The following NCOA1 variants were observed in gnomAD, a reference collection of about 807,000 sequenced individuals.
NCOA1 encodes nuclear receptor coactivator 1.
In NCOA1, 35 loss-of-function variants were observed where a neutral mutation model predicts 150.9. That is an observed-to-expected ratio of 0.23 (90% CI 0.18 to 0.31). The LOEUF is 0.31. NCOA1 is among the 10% of genes least tolerant of loss of function. NCOA1 has a pLI of 1.00. For missense variants in NCOA1, 1,491 were observed against 1,749.3 expected (o/e 0.85, Z 2.63); for synonymous variants, 590 against 630.0 (o/e 0.94, Z 0.95).
intron 1 of NCOA1, among the ~76,000 whole-genome samples, chr2:24,523,523 G>A (rs1355254326): frequency 7.1e-6 from 1 of 140,194 alleles, no homozygotes; most frequent in Non-Finnish European, 1.5e-5. Context: ...GGAGAATGGC[G>A]TGAACCCGGG....
At chr2:24,708,003 G>A (rs1673542648) in intron 13 of NCOA1, 115 bp downstream of exon 13, 2 of 1,312,414 alleles carry the variant, frequency 1.5e-6, no homozygotes, top group Non-Finnish European at 2.0e-6. Context: ...CTATCCATTG[G>A]GCATATATTA....
At chr2:24,763,488 C>G (rs1664888497) in intron 22 of NCOA1, among the ~76,000 whole-genome samples, 1 of 143,318 alleles carries the variant, frequency 7.0e-6, no homozygotes, top group African/African-American at 2.6e-5. Context: ...TGCAGTGAGC[C>G]GAGATCACGC....
At chr2:24,711,808 C>T (rs552033353) in intron 14 of NCOA1, among the ~76,000 whole-genome samples, 1 of 152,062 alleles carries the variant, frequency 6.6e-6, no homozygotes, top group Non-Finnish European at 1.5e-5. Context: ...ATTTTTTTGC[C>T]CATCACATTT....
intron 3 of NCOA1, among the ~76,000 whole-genome samples, chr2:24,624,453 T>C (rs189021881): frequency 1.3e-5 from 2 of 152,350 alleles, no homozygotes; most frequent in Admixed American, 1.3e-4. Flanking sequence ...ACAGATTACA[T>C]TTCTGTATTT....
chr2:24,724,986 G>A (rs1674537606), intron 14 of NCOA1, among the ~76,000 whole-genome samples: 1 of 152,052 alleles, frequency 6.6e-6, no homozygotes, highest in African/African-American at 2.4e-5. Flanking sequence ...TGATAGAGAT[G>A]AGGTTAATCG....
At chr2:24,524,747 A>C (rs1664580494) in intron 1 of NCOA1, among the ~76,000 whole-genome samples, 1 of 152,132 alleles carries the variant, frequency 6.6e-6, no homozygotes, top group South Asian at 2.1e-4. Flanking sequence ...AGCTGGGATT[A>C]CACGTACCCA....
intron 3 of NCOA1, among the ~76,000 whole-genome samples, chr2:24,618,656 A>T (rs559358533): frequency 4.6e-5 from 7 of 152,242 alleles, no homozygotes; most frequent in Middle Eastern, 3.4e-3. Flanking sequence ...ATCTGTGCTC[A>T]TTCCTTCTGT....
At chr2:24,675,342 G>A (rs1391178128) in intron 7 of NCOA1, among the ~76,000 whole-genome samples, 2 of 152,202 alleles carry the variant, frequency 1.3e-5, no homozygotes, top group African/African-American at 2.4e-5. Context: ...AATATCTTAA[G>A]GAGGCTAGAA....
intron 9 of NCOA1, among the ~76,000 whole-genome samples, 190 bp downstream of exon 9, chr2:24,691,850 C>T (rs764135745): frequency 9.9e-5 from 15 of 152,104 alleles, no homozygotes; most frequent in Non-Finnish European, 1.9e-4. Flanking sequence ...TAGAATCATT[C>T]CTTTAATATG....
chr2:24,500,147 C>T (rs1383200453), intron 1 of NCOA1, among the ~76,000 whole-genome samples: 3 of 151,886 alleles, frequency 2.0e-5, no homozygotes, highest in South Asian at 2.1e-4. Flanking sequence ...TCGCTCTTGT[C>T]GCCCAGGCTG....
At chr2:24,495,855 T>C (rs1663186519) in intron 1 of NCOA1, among the ~76,000 whole-genome samples, 1 of 152,254 alleles carries the variant, frequency 6.6e-6, no homozygotes, top group Non-Finnish European at 1.5e-5. Flanking sequence ...CTTGTCCTCA[T>C]ATTGTAATCT....
chr2:24,514,362 A>C (rs1301689975), intron 1 of NCOA1, among the ~76,000 whole-genome samples: 1 of 151,712 alleles, frequency 6.6e-6, no homozygotes, highest in Non-Finnish European at 1.5e-5. Context: ...TCTCTGAGTC[A>C]CATAAGCATT....
chr2:24,716,191 G>T (rs1391037471), intron 14 of NCOA1, among the ~76,000 whole-genome samples: 3 of 145,660 alleles, frequency 2.1e-5, no homozygotes, highest in East Asian at 2.0e-4. Context: ...AGTAAAATTT[G>T]ACAAGCTTTT....
chr2:24,493,565 C>T (rs1232990067), intron 1 of NCOA1, among the ~76,000 whole-genome samples: 1 of 150,960 alleles, frequency 6.6e-6, no homozygotes. Context: ...GTGGTTTAAA[C>T]CAAGAGAGTA....
chr2:24,757,097 C>T (rs1300134857), intron 20 of NCOA1, among the ~76,000 whole-genome samples: 1 of 152,156 alleles, frequency 6.6e-6, no homozygotes, highest in Non-Finnish European at 1.5e-5. Flanking sequence ...GAAGATAAAA[C>T]CTTGAGAAGT....
intron 9 of NCOA1, among the ~76,000 whole-genome samples, chr2:24,692,295 AT>A (rs1364181926): frequency 2.6e-5 from 4 of 152,192 alleles, no homozygotes; most frequent in Admixed American, 2.6e-4. Context: ...AAAGCCATGT[AT>A]GTAGCAGGTC....
intron 4 of NCOA1, among the ~76,000 whole-genome samples, chr2:24,656,069 C>G (rs1670932167): frequency 2.5e-5 from 3 of 120,720 alleles, no homozygotes; most frequent in Admixed American, 2.3e-4. Flanking sequence ...GCCTGGGCGA[C>G]AGAGCGAGAC....
Position 24,545,734 on chromosome 2 carries a change from G to A in NCOA1, c.-395-18561G>A, listed in dbSNP as rs866642347. 5.3e-5 allele frequency among the ~76,000 whole-genome samples: 8 copies of A among 152,270 alleles called. No individual in the cohort carries two copies. In the South Asian group the frequency reaches 8.3e-4, roughly 16 times the overall value. On this transcript the variant is annotated intron_variant, in intron 1 of 22. Coordinates refer to ENST00000348332, the MANE Select transcript of NCOA1 (RefSeq NM_003743.5). ...AGAGGTAGATACTTGTACTCTTTAC[G>A]TATGTGGCTCTAAATTTAACCAGCC... is the stretch of plus-strand genomic sequence containing the variant.
At chr2:24,639,921 T>TGC (rs1670116432) in intron 3 of NCOA1, among the ~76,000 whole-genome samples, 2 of 5,370 alleles carry the variant, frequency 3.7e-4, no homozygotes, top group African/African-American at 1.7e-3. Context: ...TGTGTGTATA[T>TGC]ATATATATAT....
Sources: gnomAD v4.1 joint callset for allele counts (sites outside exome capture counted in the v4.1 genomes callset) on GRCh38, gnomAD v4.1.1 for gene constraint, MANE v1.5 for transcripts, NCBI Gene and HGNC (gene_info 2026-07-23, HGNC 2026-07-21) for gene names.